MACROD2: variants seen among roughly 807,000 people sequenced by gnomAD.
The protein encoded by MACROD2 is mono-ADP ribosylhydrolase 2.
In MACROD2, 36 loss-of-function variants were observed where a neutral mutation model predicts 70.4. That is an observed-to-expected ratio of 0.51 (90% CI 0.39 to 0.68). The LOEUF is 0.68. Among genes scored for constraint, MACROD2 ranks in the 30% least tolerant of loss-of-function variants. MACROD2 has a pLI of 0.00. For missense variants in MACROD2, 496 were observed against 538.4 expected, an observed-to-expected ratio of 0.92 and a Z score of 0.78; for synonymous variants, 172 against 178.8, an observed-to-expected ratio of 0.96 and a Z score of 0.30.
chr20:14,233,243 C>T (rs1020561498), intron 3 of MACROD2, among the ~76,000 whole-genome samples: 1 of 152,134 alleles, frequency 6.6e-6, no homozygotes, highest in Non-Finnish European at 1.5e-5. Flanking sequence ...GACACAGAGA[C>T]ACTAAGTGAG....
At chr20:15,403,488 C>A (rs896250637) in intron 6 of MACROD2, among the ~76,000 whole-genome samples, 5 of 152,044 alleles carry the variant, frequency 3.3e-5, no homozygotes, top group African/African-American at 1.2e-4. Context: ...ACAGCAGACA[C>A]TGTTAGTTTT....
rs1382147090 is a variant in MACROD2 at position 15,233,963 on chromosome 20, TTATTTTTATATATATTTATTTA to T, written c.540+3906_540+3927del. On this transcript the variant is annotated intron_variant, in intron 6 of 17. Coordinates refer to ENST00000684519, the MANE Select transcript of MACROD2 (RefSeq NM_001351661.2). ...TGAGTTACCCTTGGATCCAAAAAAT[TTATTTTTATATATATTTATTTA>T]TATATATATATATATATATATATAT... 5.0e-3 allele frequency among the ~76,000 whole-genome samples: 381 copies of T among 76,544 alleles called. 17 individuals are homozygous for T. Among genetic ancestry groups the T allele is most frequent in the African/African-American group, 0.017 (268 of 15,544 alleles). 50.2% of individuals were successfully genotyped at this position (76,544 alleles called of 152,430 possible).
chr20:14,389,456 G>A (rs1368152556), intron 3 of MACROD2, among the ~76,000 whole-genome samples: 2 of 144,046 alleles, frequency 1.4e-5, no homozygotes, highest in Non-Finnish European at 3.0e-5. Flanking sequence ...TAGGGTCTCC[G>A]TCAATTGCCC....
chr20:14,823,038 C>G (rs534232515), intron 5 of MACROD2, among the ~76,000 whole-genome samples: 1 of 152,162 alleles, frequency 6.6e-6, no homozygotes, highest in East Asian at 1.9e-4. Flanking sequence ...AGAAATACAA[C>G]AGTGATGACT....
At chr20:15,905,062 A>T (rs1398794402) in intron 10 of MACROD2, among the ~76,000 whole-genome samples, 3 of 152,182 alleles carry the variant, frequency 2.0e-5, no homozygotes, top group Non-Finnish European at 4.4e-5. Flanking sequence ...TCTCAGGTCC[A>T]TTTAGATATC....
In MACROD2 at chr20:14,545,663, A is replaced by C. The variant is rs568554007; in HGVS notation, c.301+52155A>C. Among the ~76,000 whole-genome samples, 16 of 152,334 alleles carry C rather than the reference A, an allele frequency of 1.1e-4. No individual in the cohort carries two copies. In the South Asian group the frequency reaches 3.1e-3, roughly 30 times the overall value. On this transcript the variant is annotated intron_variant, in intron 4 of 17. Coordinates refer to ENST00000684519, the MANE Select transcript of MACROD2 (RefSeq NM_001351661.2). ...TAAGATAGTGCATTTCATAACATCT[A>C]AATGCTTTGTTTGTTAAAGTTCACT... is the stretch of plus-strand genomic sequence containing the variant.
At chr20:15,146,984 T>G (rs1326194285) in intron 5 of MACROD2, among the ~76,000 whole-genome samples, 3 of 152,174 alleles carry the variant, frequency 2.0e-5, no homozygotes, top group African/African-American at 7.2e-5. Flanking sequence ...ACATTTTTGT[T>G]CCATTTATGG....
At chr20:14,461,709 T>C (rs1261338169) in intron 3 of MACROD2, among the ~76,000 whole-genome samples, 1 of 147,384 alleles carries the variant, frequency 6.8e-6, no homozygotes, top group Non-Finnish European at 1.5e-5. Context: ...CGTGTGTCCA[T>C]GTGTTCTCAT....
At chr20:15,845,852 A>G (rs1480019697) in intron 8 of MACROD2, among the ~76,000 whole-genome samples, 1 of 152,194 alleles carries the variant, frequency 6.6e-6, no homozygotes, top group Admixed American at 6.5e-5. Flanking sequence ...GAGTTTAGAG[A>G]AGTTAAGTGA....
intron 6 of MACROD2, among the ~76,000 whole-genome samples, chr20:15,317,018 A>G (rs2146162318): frequency 6.6e-6 from 1 of 152,208 alleles, no homozygotes; most frequent in South Asian, 2.1e-4. Flanking sequence ...GAATGAAAAT[A>G]AAAACACACA....
intron 8 of MACROD2, among the ~76,000 whole-genome samples, chr20:15,569,349 A>C (rs559882304): frequency 6.6e-6 from 1 of 152,200 alleles, no homozygotes; most frequent in Non-Finnish European, 1.5e-5. Flanking sequence ...AATGCTGTGG[A>C]AGGACTAAAT....
chr20:14,069,198 C>T (rs1277925274), intron 2 of MACROD2, among the ~76,000 whole-genome samples: 2 of 152,220 alleles, frequency 1.3e-5, no homozygotes, highest in African/African-American at 2.4e-5. Context: ...CAGCCTGCCT[C>T]GGCCTCCCAA....
chr20:14,498,414 A>G (rs1028025247), intron 4 of MACROD2, among the ~76,000 whole-genome samples: 2 of 152,236 alleles, frequency 1.3e-5, no homozygotes, highest in African/African-American at 4.8e-5. Flanking sequence ...ATGTGCATAC[A>G]TTCATTCAGC....
chr20:15,684,242 C>T (rs1050814730), intron 8 of MACROD2, among the ~76,000 whole-genome samples: 7 of 152,146 alleles, frequency 4.6e-5, no homozygotes, highest in Non-Finnish European at 1.0e-4. Flanking sequence ...GGCCATATGC[C>T]ATTCCTCAGT....
At position 13,995,662 on chromosome 20, in the gene MACROD2, C is replaced by T. The variant is rs2052625967; in HGVS notation, c.-102C>T. 1.0e-6 allele frequency: 1 copy of T among 999,092 alleles called. No homozygotes were observed. The highest frequency in any genetic ancestry group is 1.6e-6 in the Non-Finnish European group (1 of 630,002). 61.9% of individuals were successfully genotyped at this position (999,092 alleles called of 1,614,324 possible). A position where few individuals can be genotyped will look rare whatever the true frequency, so the allele number is the denominator to read the frequency against. On this transcript the variant is annotated 5_prime_UTR_variant, in exon 1 of 18. Coordinates refer to ENST00000684519, the MANE Select transcript of MACROD2 (RefSeq NM_001351661.2). This position sits in a 1 kb window ranked among gnomAD's most constrained non-coding sequence, Gnocchi z 4.3. ...GGACGCAGAGCCTCTTTCACTTTTTCCCTGCTGAGTGCCCCCTCCCACCCC... is the reference window on the plus strand; with the variant it reads ...GGACGCAGAGCCTCTTTCACTTTTTTCCTGCTGAGTGCCCCCTCCCACCCC...
chr20:15,883,552 A>G (rs769332889), intron 9 of MACROD2, among the ~76,000 whole-genome samples: 6 of 151,788 alleles, frequency 4.0e-5, no homozygotes, highest in Non-Finnish European at 7.4e-5. Context: ...TAAAACCTCA[A>G]ATGAAAGGCA....
chr20:15,242,713 T>C (rs175309), intron 6 of MACROD2, among the ~76,000 whole-genome samples: 1 of 151,996 alleles, frequency 6.6e-6, no homozygotes, highest in Non-Finnish European at 1.5e-5. Context: ...GTAGTATATT[T>C]TTAAAAATGT....
chr20:14,981,405 C>A (rs188076622), intron 5 of MACROD2, among the ~76,000 whole-genome samples: 1 of 147,362 alleles, frequency 6.8e-6, no homozygotes, highest in East Asian at 2.0e-4. Context: ...TAATTCCAAT[C>A]ATACGTGTGT....
chr20:14,303,199 T>C (rs1021656267), intron 3 of MACROD2, among the ~76,000 whole-genome samples: 2 of 152,200 alleles, frequency 1.3e-5, no homozygotes, highest in South Asian at 4.1e-4. Flanking sequence ...ATAGCTTTGC[T>C]ATGCGGCATT....
Sources: allele counts gnomAD v4.1 joint callset (sites outside exome capture counted in the v4.1 genomes callset), GRCh38; gene constraint gnomAD v4.1.1; non-coding constraint Gnocchi (gnomAD v3.1); transcripts MANE v1.5; gene names NCBI Gene and HGNC (gene_info 2026-07-23, HGNC 2026-07-21).